UPP1: variants seen among roughly 807,000 people sequenced by gnomAD.
UPP1 encodes the protein UPase 1.
UPP1 carries 25 observed loss-of-function variants against 29.6 expected under a neutral mutation model. The ratio of observed to expected loss-of-function variants is 0.85; its 90% CI spans 0.62 to 1.18. The LOEUF (loss-of-function observed/expected upper bound fraction) is 1.18, where lower values mean the gene tolerates loss of function less well. UPP1 is among the 50% of genes most tolerant of loss of function. The probability of loss-of-function intolerance (pLI) is 0.00; values close to 1 mark genes in which losing one functional copy is unlikely to be tolerated. For missense variants in UPP1, 368 were observed against 410.4 expected (o/e 0.90, Z 0.89); for synonymous variants, 165 against 159.8 (o/e 1.03, Z -0.25).
chr7:48,092,228 A>G (rs1791877840), intron 2 of UPP1, among the ~76,000 whole-genome samples: 1 of 152,160 alleles, frequency 6.6e-6, no homozygotes, highest in Admixed American at 6.5e-5. Flanking sequence ...AGCCACTCTT[A>G]CGGGGGAATG....
intron 4 of UPP1, among the ~76,000 whole-genome samples, 177 bp downstream of exon 4, chr7:48,099,964 A>G (rs1307925406): frequency 6.6e-6 from 1 of 152,228 alleles, no homozygotes; most frequent in Non-Finnish European, 1.5e-5. Flanking sequence ...CTAGCAAGTA[A>G]AACTATCCTA....
intron 6 of UPP1, chr7:48,105,201 A>G (rs919860114): frequency 6.6e-6 from 1 of 152,446 alleles, no homozygotes; most frequent in Non-Finnish European, 1.5e-5. Flanking sequence ...GTGCGTCCCA[A>G]TGTGAGTGAT....
At chr7:48,100,850 A>G (rs775608538) in intron 4 of UPP1, among the ~76,000 whole-genome samples, 4 of 152,074 alleles carry the variant, frequency 2.6e-5, no homozygotes, top group Non-Finnish European at 4.4e-5. Context: ...ATTCCAGGCT[A>G]TGGAATTTTC....
chr7:48,093,683 C>G (rs374836845), intron 2 of UPP1, among the ~76,000 whole-genome samples: 1 of 152,194 alleles, frequency 6.6e-6, no homozygotes, highest in Admixed American at 6.5e-5. Flanking sequence ...ACTTCAGGTA[C>G]GCCACGTTTT....
At chr7:48,090,872 A>G (rs547858372) in intron 2 of UPP1, among the ~76,000 whole-genome samples, 2 of 152,330 alleles carry the variant, frequency 1.3e-5, no homozygotes, top group African/African-American at 4.8e-5. Context: ...TATCGAGCAC[A>G]AATTATATTC....
rs1214794090 is a variant in UPP1, at chr7:48,094,764, GT to G, written c.-19del. 1 of 1,613,860 alleles carries G rather than the reference GT, an allele frequency of 6.2e-7. No individual in the cohort carries two copies. The highest frequency in any genetic ancestry group is 1.3e-5 in the African/African-American group (1 of 74,944). ...CATTCTGTGATTTTTTTTCCTTAGG[GT>G]CCTGCCTCAGTTGGCGGAATGGCGG... On this transcript the variant is annotated splice_region_variant and 5_prime_UTR_variant, in exon 3 of 9. Transcript: ENST00000395564.
chr7:48,094,251 G>A (rs1792005615), intron 2 of UPP1, among the ~76,000 whole-genome samples: 1 of 151,836 alleles, frequency 6.6e-6, no homozygotes, highest in Non-Finnish European at 1.5e-5. Flanking sequence ...ACAGGTTTTT[G>A]TTTTGTTTTG....
intron 2 of UPP1, among the ~76,000 whole-genome samples, chr7:48,090,950 T>G (rs1334060620): frequency 6.6e-6 from 1 of 152,212 alleles, no homozygotes; most frequent in East Asian, 1.9e-4. Flanking sequence ...TTAGTGTTTC[T>G]TTACATGGGC....
At chr7:48,103,927 CAA>C in intron 6 of UPP1, 1 of 1,270,414 alleles carries the variant, frequency 7.9e-7, no homozygotes, top group South Asian at 1.3e-5. Context: ...GTTTAAAAAA[CAA>C]AGATGGTTGG....
At chr7:48,097,742 G>A (rs1562651965) in intron 3 of UPP1, among the ~76,000 whole-genome samples, 1 of 152,172 alleles carries the variant, frequency 6.6e-6, no homozygotes, top group African/African-American at 2.4e-5. Flanking sequence ...TCCTGAAGGA[G>A]GAGAATGGAA....
rs566067835 is a variant in UPP1, at chr7:48,093,160, G to C, written c.-21-1603G>C. Among the ~76,000 whole-genome samples the C allele has an allele frequency of 2.4e-4, 36 of 152,296 alleles. 1 individual carries two copies. In the South Asian group the frequency reaches 3.9e-3, roughly 17 times the overall value. ...AAATGCTAAGGGAGAATGAAAGCCT[G>C]GTGGAGAGATTTAAGGCAGCAATTG... On this transcript the variant is annotated intron_variant, in intron 2 of 8. Transcript: ENST00000395564.
intron 4 of UPP1, 80 bp downstream of exon 4, chr7:48,099,867 A>C: frequency 1.1e-6 from 1 of 938,710 alleles, no homozygotes; most frequent in East Asian, 2.4e-5. Context: ...ACCAACCCAC[A>C]AATGCTTGAG....
intron 5 of UPP1, 82 bp downstream of exon 5, chr7:48,102,064 G>T: frequency 6.7e-7 from 1 of 1,482,194 alleles, no homozygotes; most frequent in Non-Finnish European, 9.1e-7. Context: ...ACAGACAGCT[G>T]GTCCCCTAAC....
At chr7:48,105,907 T>A (rs1371595129) in intron 6 of UPP1, 1 of 152,162 alleles carries the variant, frequency 6.6e-6, no homozygotes, top group Non-Finnish European at 1.5e-5. Flanking sequence ...TCCAGGTCCA[T>A]AACAATGGTC....
At position 48,103,990 on chromosome 7, in the gene UPP1, C is replaced by T. The variant is rs541767618; in HGVS notation, c.436+579C>T. On this transcript the variant is annotated intron_variant, in intron 6 of 8. Transcript: ENST00000395564. Reference sequence around the variant, plus strand: ...ATCCCAGCACATTGGGAGGCCGAGGCGGGCGGATCACAAGATCGGGAGATC... The same window carrying T: ...ATCCCAGCACATTGGGAGGCCGAGGTGGGCGGATCACAAGATCGGGAGATC... The T allele has an allele frequency of 2.2e-5, 23 of 1,024,376 alleles. No homozygotes were observed. In the East Asian group the frequency reaches 2.4e-4, roughly 11 times the overall value. The allele number at this position is 1,024,376 out of a possible 1,614,324, so 63.5% of individuals were successfully genotyped here.
intron 4 of UPP1, among the ~76,000 whole-genome samples, chr7:48,101,321 C>T (rs1792408255): frequency 6.6e-6 from 1 of 152,150 alleles, no homozygotes; most frequent in Admixed American, 6.5e-5. Context: ...GAGACCCATC[C>T]AGAATAGCTA....
At chr7:48,106,270 T>C (rs888020656) in intron 6 of UPP1, 5 of 154,380 alleles carry the variant, frequency 3.2e-5, no homozygotes, top group Admixed American at 1.3e-4. Context: ...GCAAGAAATA[T>C]GGGACAAAGT....
chr7:48,108,133 T>C, intron 8 of UPP1, 85 bp from the exon 9 acceptor site: 1 of 1,548,222 alleles, frequency 6.5e-7, no homozygotes, highest in Non-Finnish European at 8.8e-7. Flanking sequence ...AGGCTGCTCC[T>C]CAGAGCTCGT....
intron 3 of UPP1, among the ~76,000 whole-genome samples, chr7:48,098,483 C>T (rs1452325478): frequency 6.6e-6 from 1 of 152,026 alleles, no homozygotes; most frequent in East Asian, 1.9e-4. Context: ...AATTTTTGTT[C>T]TGGAGGTAAA....
Sources: allele counts gnomAD v4.1 joint callset (sites outside exome capture counted in the v4.1 genomes callset), GRCh38; gene constraint gnomAD v4.1.1; transcripts MANE v1.5; gene names NCBI Gene and HGNC (gene_info 2026-07-23, HGNC 2026-07-21).